LHFPL3: variants seen among roughly 807,000 people sequenced by gnomAD.
LHFPL3 encodes LHFPL tetraspan subfamily member 3, also known as LHFPL tetraspan subfamily member 3 protein.
In LHFPL3, 5 loss-of-function variants were observed where a neutral mutation model predicts 19.3. The ratio of observed to expected loss-of-function variants is 0.26; its 90% CI spans 0.14 to 0.54. The LOEUF (loss-of-function observed/expected upper bound fraction) is 0.54. Among genes scored for constraint, LHFPL3 ranks in the 20% least tolerant of loss-of-function variants. LHFPL3 has a pLI of 0.94. For missense variants in LHFPL3, 249 were observed against 307.4 expected (o/e 0.81, Z 1.42); for synonymous variants, 133 against 126.2 (o/e 1.05, Z -0.36).
At chr7:104,638,865 C>T (rs546782209) in intron 1 of LHFPL3, among the ~76,000 whole-genome samples, 3 of 151,194 alleles carry the variant, frequency 2.0e-5, no homozygotes, top group East Asian at 1.9e-4. Context: ...AAGGCTCAAG[C>T]GATCCTCCCA....
chr7:104,564,282 T>A (rs898150378), intron 1 of LHFPL3, among the ~76,000 whole-genome samples: 1 of 152,170 alleles, frequency 6.6e-6, no homozygotes, highest in Non-Finnish European at 1.5e-5. Context: ...GGGTCTTAGC[T>A]TTGCTAATCA....
At chr7:104,530,690 A>C (rs1270803090) in intron 1 of LHFPL3, among the ~76,000 whole-genome samples, 1 of 152,234 alleles carries the variant, frequency 6.6e-6, no homozygotes, top group Non-Finnish European at 1.5e-5. Context: ...GTAATAAATT[A>C]CTAGCTGCTT....
chr7:104,344,925 A>G (rs1790034710), intron 1 of LHFPL3, among the ~76,000 whole-genome samples: 1 of 152,202 alleles, frequency 6.6e-6, no homozygotes, highest in Non-Finnish European at 1.5e-5. Flanking sequence ...AAGATTCATA[A>G]AAGTTGAGAA....
At chr7:104,556,771 T>G (rs540409212) in intron 1 of LHFPL3, among the ~76,000 whole-genome samples, 1 of 152,336 alleles carries the variant, frequency 6.6e-6, no homozygotes, top group African/African-American at 2.4e-5. Context: ...GACTGCAAAT[T>G]TTTCAAACTT....
intron 1 of LHFPL3, among the ~76,000 whole-genome samples, chr7:104,710,543 T>C (rs760796641): frequency 2.0e-5 from 3 of 152,178 alleles, no homozygotes; most frequent in Non-Finnish European, 4.4e-5. Flanking sequence ...AATTGTATAA[T>C]GGTTAAGAGG....
chr7:104,373,581 G>A (rs796631439), intron 1 of LHFPL3, among the ~76,000 whole-genome samples: 64 of 152,148 alleles, frequency 4.2e-4, no homozygotes, highest in African/African-American at 1.3e-3. Flanking sequence ...CAAGGTGGTC[G>A]GGGTACAGTT....
chr7:104,369,579 A>G (rs1313963972), intron 1 of LHFPL3, among the ~76,000 whole-genome samples: 1 of 152,196 alleles, frequency 6.6e-6, no homozygotes, highest in East Asian at 1.9e-4. Flanking sequence ...TGGTACATTT[A>G]TGTTTAACTT....
At chr7:104,388,177 C>A (rs1790987487) in intron 1 of LHFPL3, among the ~76,000 whole-genome samples, 1 of 152,024 alleles carries the variant, frequency 6.6e-6, no homozygotes, top group Non-Finnish European at 1.5e-5. Flanking sequence ...TTTCTTTATC[C>A]AATCCACTGT....
intron 1 of LHFPL3, among the ~76,000 whole-genome samples, chr7:104,342,827 C>CTGTACTGA (rs1789983335): frequency 6.6e-6 from 1 of 152,200 alleles, no homozygotes; most frequent in Non-Finnish European, 1.5e-5. Flanking sequence ...AAATTTGAAA[C>CTGTACTGA]TGTACTGATA....
chr7:104,336,261 A>G (rs947602366), intron 1 of LHFPL3, among the ~76,000 whole-genome samples: 1 of 152,198 alleles, frequency 6.6e-6, no homozygotes, highest in African/African-American at 2.4e-5. Flanking sequence ...AATAGTAGAT[A>G]AGTTATTTGA....
chr7:104,603,066 T>TTCTCTTTCTTTCTTTC lies in LHFPL3; in HGVS notation c.446-133608_446-133607insCTCTTTCTTTCTTTCT, dbSNP rs1453775700. ...AGTTTTCTTTTTTTTCTTTCTTTCT[T>TTCTCTTTCTTTCTTTC]TTTCTTTCTTTCTTTCTTTCTTTCT... On this transcript the variant is annotated intron_variant, in intron 1 of 2. Coordinates refer to ENST00000424859, the MANE Select transcript of LHFPL3 (RefSeq NM_199000.3). Among the ~76,000 whole-genome samples, 87 of 108,958 alleles carry TTCTCTTTCTTTCTTTC rather than the reference T, an allele frequency of 8.0e-4. 1 individual carries two copies. Among genetic ancestry groups the TTCTCTTTCTTTCTTTC allele is most frequent in the Non-Finnish European group, 1.0e-3 (56 of 54,602 alleles). 71.5% of individuals were successfully genotyped at this position (108,958 alleles called of 152,430 possible).
chr7:104,744,005 T>A (rs1408672840), intron 2 of LHFPL3: 2 of 151,126 alleles, frequency 1.3e-5, no homozygotes, highest in Non-Finnish European at 2.9e-5. Flanking sequence ...ACCCTGCAAA[T>A]TTTTTTTGGT....
chr7:104,389,194 A>G, intron 1 of LHFPL3, among the ~76,000 whole-genome samples: 1 of 152,186 alleles, frequency 6.6e-6, no homozygotes. Flanking sequence ...TACAAAATCA[A>G]TATACAACAA....
intron 2 of LHFPL3, among the ~76,000 whole-genome samples, chr7:104,833,040 T>G (rs1195810226): frequency 0.02 from 73 of 3,604 alleles, 8 homozygotes; most frequent in African/African-American, 0.08. Flanking sequence ...ATTATATATA[T>G]ATATTATATA....
At position 104,497,812 on chromosome 7, in the gene LHFPL3, T is replaced by G. The variant is rs543501647; in HGVS notation, c.445+168588T>G. ...GCTACTGTGGAAGGCACCAGATACC[T>G]GGAGTGGGTAGAGAGGCTGAGCCAG... is the stretch of plus-strand genomic sequence containing the variant. On this transcript the variant is annotated intron_variant, in intron 1 of 2. Transcript: ENST00000424859. Among the ~76,000 whole-genome samples the G allele has an allele frequency of 2.0e-5, 3 of 152,254 alleles. No individual in the cohort carries two copies. In the East Asian group the frequency reaches 5.8e-4, roughly 29 times the overall value.
chr7:104,543,734 G>A (rs1040619276), intron 1 of LHFPL3, among the ~76,000 whole-genome samples: 4 of 121,300 alleles, frequency 3.3e-5, no homozygotes, highest in African/African-American at 9.4e-5. Flanking sequence ...ATGGACACAG[G>A]AAGGGGAACA....
intron 1 of LHFPL3, among the ~76,000 whole-genome samples, chr7:104,573,287 C>T (rs1317610447): frequency 1.3e-5 from 2 of 151,860 alleles, no homozygotes; most frequent in Non-Finnish European, 2.9e-5. Context: ...TGGCGGGCAC[C>T]TGTAATCCTA....
intron 1 of LHFPL3, among the ~76,000 whole-genome samples, chr7:104,405,501 A>G (rs1410429560): frequency 6.6e-6 from 1 of 152,130 alleles, no homozygotes; most frequent in African/African-American, 2.4e-5. Flanking sequence ...CATTCACTTA[A>G]ATATTTTAGA....
chr7:104,873,208 GC>G (rs1318030168), intron 2 of LHFPL3, among the ~76,000 whole-genome samples: 3 of 152,206 alleles, frequency 2.0e-5, no homozygotes, highest in African/African-American at 7.2e-5. Flanking sequence ...GCACTGGGCT[GC>G]TTAAACTTTT....
Sources: gnomAD v4.1 joint callset for allele counts (sites outside exome capture counted in the v4.1 genomes callset) on GRCh38, gnomAD v4.1.1 for gene constraint, MANE v1.5 for transcripts, NCBI Gene and HGNC (gene_info 2026-07-23, HGNC 2026-07-21) for gene names.